Variants in NIPBL observed in about 807,000 individuals in gnomAD.
NIPBL encodes the protein NIPBL cohesin loading factor, also known as nipped-B-like protein.
NIPBL carries 19 observed loss-of-function variants against 321.8 expected under a neutral mutation model. The observed-to-expected ratio is 0.06, with a 90% CI of 0.04 to 0.09. The LOEUF is 0.09. Among genes scored for constraint, NIPBL ranks in the 10% least tolerant of loss-of-function variants. NIPBL has a pLI of 1.00. For missense variants in NIPBL, 2,210 were observed against 3,327.0 expected (o/e 0.66, Z 8.26); for synonymous variants, 1,106 against 1,114.1 (o/e 0.99, Z 0.14).
At chr5:37,055,718 G>A (rs1433254040) in intron 42 of NIPBL, among the ~76,000 whole-genome samples, 2 of 152,026 alleles carry the variant, frequency 1.3e-5, no homozygotes, top group African/African-American at 4.8e-5. Context: ...AAAGCAGATT[G>A]TAATTGAAAA....
At chr5:36,934,204 A>G (rs1226532939) in intron 1 of NIPBL, among the ~76,000 whole-genome samples, 1 of 152,078 alleles carries the variant, frequency 6.6e-6, no homozygotes, top group Non-Finnish European at 1.5e-5. Context: ...TTTTATTTCA[A>G]CCTGGTAACC....
At chr5:36,880,220 AT>A (rs1169312722) in intron 1 of NIPBL, among the ~76,000 whole-genome samples, 1 of 151,984 alleles carries the variant, frequency 6.6e-6, no homozygotes, top group Non-Finnish European at 1.5e-5. Context: ...TTCATATTTA[AT>A]TTTTTGGTAC....
intron 11 of NIPBL, among the ~76,000 whole-genome samples, chr5:36,999,864 A>T (rs887448773): frequency 3.3e-5 from 5 of 152,190 alleles, no homozygotes; most frequent in Non-Finnish European, 5.9e-5. Flanking sequence ...TTTATCGCTG[A>T]GTTGTGGGTT....
chr5:36,929,705 T>C (rs980519349), intron 1 of NIPBL, among the ~76,000 whole-genome samples: 9 of 152,078 alleles, frequency 5.9e-5, no homozygotes, highest in African/African-American at 2.2e-4. Flanking sequence ...TGGTTTATAG[T>C]TTAAGCTCAT....
chr5:36,917,664 A>G (rs370494781), intron 1 of NIPBL, among the ~76,000 whole-genome samples: 1 of 152,142 alleles, frequency 6.6e-6, no homozygotes, highest in Non-Finnish European at 1.5e-5. Flanking sequence ...TAGGTCTAAC[A>G]TTTAAGTCTT....
intron 42 of NIPBL, among the ~76,000 whole-genome samples, chr5:37,054,066 C>T (rs370902951): frequency 7.2e-5 from 11 of 151,812 alleles, no homozygotes; most frequent in Non-Finnish European, 1.5e-4. Context: ...CGTGGTGGCA[C>T]GCGCCTGTAA....
intron 1 of NIPBL, among the ~76,000 whole-genome samples, chr5:36,925,518 G>A (rs541486974): frequency 1.2e-3 from 177 of 151,882 alleles, no homozygotes; most frequent in African/African-American, 4.2e-3. Flanking sequence ...CATCCACCTC[G>A]GCCTCCCAAA....
intron 1 of NIPBL, among the ~76,000 whole-genome samples, chr5:36,893,190 C>T (rs1263973134): frequency 6.6e-6 from 1 of 152,158 alleles, no homozygotes; most frequent in Non-Finnish European, 1.5e-5. Context: ...TAAATCCATA[C>T]ATACACTATA....
chr5:37,041,294 C>T (rs1752337711), intron 34 of NIPBL, among the ~76,000 whole-genome samples: 1 of 104,934 alleles, frequency 9.5e-6, no homozygotes, highest in Non-Finnish European at 1.7e-5. Flanking sequence ...GACTGAGGCT[C>T]ACACTGTCAC....
intron 1 of NIPBL, among the ~76,000 whole-genome samples, chr5:36,902,102 T>C (rs1232165998): frequency 1.3e-5 from 2 of 152,034 alleles, no homozygotes; most frequent in Non-Finnish European, 2.9e-5. Context: ...TTTTTTTTAA[T>C]AGAGTTGTTT....
intron 1 of NIPBL, among the ~76,000 whole-genome samples, chr5:36,914,419 A>G (rs114714290): frequency 0.016 from 2,462 of 152,288 alleles, 31 homozygotes; most frequent in Non-Finnish European, 0.026. Flanking sequence ...ATCCAAAATG[A>G]TCCAAAATCC....
intron 32 of NIPBL, among the ~76,000 whole-genome samples, chr5:37,031,050 C>T (rs1750955687): frequency 6.6e-6 from 1 of 151,020 alleles, no homozygotes; most frequent in Non-Finnish European, 1.5e-5. Flanking sequence ...GTGGCACGAT[C>T]TCCGCTCACT....
Position 36,877,105 on chromosome 5 carries a change from C to T in NIPBL, c.-153C>T, listed in dbSNP as rs914940999. The T allele has an allele frequency of 6.5e-5, 23 of 353,000 alleles. No individual in the cohort carries two copies. The highest frequency in any genetic ancestry group is 1.5e-4 in the African/African-American group (7 of 47,084). 21.9% of individuals were successfully genotyped at this position (353,000 alleles called of 1,614,324 possible). A position where few individuals can be genotyped will look rare whatever the true frequency, so the allele number is the denominator to read the frequency against. ...GGAAGAGGAGCCGTAGCCACCCCCC[C>T]TCCCGGCCCGGATTATAGTCTCTCG... On this transcript the variant is annotated 5_prime_UTR_variant, in exon 1 of 47. Transcript: ENST00000282516.
chr5:36,977,630 G>GGATA lies in NIPBL; in HGVS notation c.1495+1229_1495+1232dup, dbSNP rs149351025. 8.3e-3 allele frequency among the ~76,000 whole-genome samples: 1,255 copies of GGATA among 150,586 alleles called. 15 individuals are homozygous for GGATA. Among genetic ancestry groups the GGATA allele is most frequent in the African/African-American group, 0.029 (1,197 of 41,022 alleles). Reference sequence around the variant, plus strand: ...TTTTTTTTTTTAATATAGATTCAGGGGATATATGTACAGGGGTTTGTTACG... The same window carrying GGATA: ...TTTTTTTTTTTAATATAGATTCAGGGGATAGATATATGTACAGGGGTTTGTTACG... On this transcript the variant is annotated intron_variant, in intron 9 of 46. Coordinates refer to ENST00000282516, the MANE Select transcript of NIPBL (RefSeq NM_133433.4).
intron 19 of NIPBL, 59 bp downstream of exon 19, chr5:37,008,147 T>C (rs1561148866): frequency 1.7e-6 from 2 of 1,167,606 alleles, no homozygotes; most frequent in South Asian, 2.5e-5. Context: ...ATTGATGTCA[T>C]TTAATCCAAA....
At chr5:36,910,573 GA>G (rs1399811184) in intron 1 of NIPBL, among the ~76,000 whole-genome samples, 2 of 152,186 alleles carry the variant, frequency 1.3e-5, no homozygotes, top group South Asian at 4.1e-4. Context: ...AGTAGCCTGT[GA>G]AGCTGGTCTC....
At chr5:36,924,513 C>T (rs1326773918) in intron 1 of NIPBL, among the ~76,000 whole-genome samples, 2 of 152,038 alleles carry the variant, frequency 1.3e-5, no homozygotes, top group Non-Finnish European at 2.9e-5. Flanking sequence ...GCTTCCATTT[C>T]TATAATAGTT....
At chr5:37,037,161 G>A (rs1176798120) in intron 33 of NIPBL, among the ~76,000 whole-genome samples, 1 of 151,526 alleles carries the variant, frequency 6.6e-6, no homozygotes, top group Admixed American at 6.6e-5. Flanking sequence ...GCCAAGGCGG[G>A]CAGATCATGA....
intron 40 of NIPBL, among the ~76,000 whole-genome samples, chr5:37,050,356 T>C (rs1753404796): frequency 6.6e-6 from 1 of 151,490 alleles, no homozygotes; most frequent in Non-Finnish European, 1.5e-5. Context: ...CCCAGCTACA[T>C]GGGAGGCTGA....
Sources: gnomAD v4.1 joint callset for allele counts (sites outside exome capture counted in the v4.1 genomes callset) on GRCh38, gnomAD v4.1.1 for gene constraint, MANE v1.5 for transcripts, NCBI Gene and HGNC (gene_info 2026-07-23, HGNC 2026-07-21) for gene names.